The following KIAA1217 variants were observed in gnomAD, a reference collection of about 807,000 sequenced individuals.
KIAA1217 encodes the protein KIAA1217.
Under a neutral mutation model 163.9 loss-of-function variants are expected in KIAA1217, and 88 were observed. The ratio of observed to expected loss-of-function variants is 0.54; its 90% CI spans 0.45 to 0.64. The LOEUF is 0.64. Among genes scored for constraint, KIAA1217 ranks in the 30% least tolerant of loss-of-function variants. KIAA1217 has a pLI of 0.00. For missense variants in KIAA1217, 2,372 were observed against 2,475.0 expected (o/e 0.96, Z 0.88); for synonymous variants, 903 against 923.1 (o/e 0.98, Z 0.39).
intron 2 of KIAA1217, among the ~76,000 whole-genome samples, chr10:24,057,408 C>T (rs1292941092): frequency 6.6e-6 from 1 of 152,142 alleles, no homozygotes; most frequent in African/African-American, 2.4e-5. Flanking sequence ...ATGTTACACT[C>T]GTTACATAGT....
intron 1 of KIAA1217, among the ~76,000 whole-genome samples, chr10:23,742,669 C>A (rs1283235702): frequency 1.3e-5 from 2 of 152,204 alleles, no homozygotes; most frequent in Admixed American, 6.5e-5. Flanking sequence ...TGGCCCAAGC[C>A]ATTCATGAGG....
At chr10:23,977,563 T>C (rs1322951998) in intron 1 of KIAA1217, among the ~76,000 whole-genome samples, 1 of 152,130 alleles carries the variant, frequency 6.6e-6, no homozygotes, top group East Asian at 1.9e-4. Flanking sequence ...GACTAATGGA[T>C]ACTTCCTAGG....
upstream of KIAA1217, among the ~76,000 whole-genome samples, chr10:24,207,276 T>TCACA (rs1210017696): frequency 2.0e-5 from 2 of 101,782 alleles, no homozygotes; most frequent in African/African-American, 1.4e-4. Context: ...TTTCTCTCTC[T>TCACA]CTCTCTCACA....
chr10:24,209,018 G>A (rs529851110), upstream of KIAA1217: 131 of 597,374 alleles, frequency 2.2e-4, no homozygotes, highest in South Asian at 2.5e-3. Flanking sequence ...GCGCTGGAAT[G>A]CAGTTTTCTC....
intron 3 of KIAA1217, among the ~76,000 whole-genome samples, chr10:24,418,828 T>C (rs1164304546): frequency 6.6e-6 from 1 of 152,104 alleles, no homozygotes; most frequent in Non-Finnish European, 1.5e-5. Context: ...AGGCCAACTT[T>C]TTTTTTTTTC....
rs192435739 is a variant in KIAA1217 at position 24,404,690 on chromosome 10, T to C, written c.553+23623T>C. Among the ~76,000 whole-genome samples, 184 of 151,082 alleles carry C rather than the reference T, an allele frequency of 1.2e-3. 1 individual carries two copies. Among genetic ancestry groups the C allele is most frequent in the Non-Finnish European group, 1.7e-3 (114 of 67,862 alleles). ...TTTCACCCAGAAACTTGTACATGAA[T>C]ATTACTAGCAGCTTTGTTTGTAAGA... On this transcript the variant is annotated intron_variant, in intron 3 of 20. Coordinates refer to ENST00000376454, the MANE Select transcript of KIAA1217 (RefSeq NM_019590.5).
At chr10:23,759,016 G>A (rs1335359290) in intron 1 of KIAA1217, among the ~76,000 whole-genome samples, 2 of 152,058 alleles carry the variant, frequency 1.3e-5, no homozygotes, top group African/African-American at 4.8e-5. Context: ...GCTTTGGGTA[G>A]TATTGACGTC....
chr10:23,945,722 T>G (rs1422698871), intron 1 of KIAA1217, among the ~76,000 whole-genome samples: 2 of 152,186 alleles, frequency 1.3e-5, no homozygotes, highest in Non-Finnish European at 2.9e-5. Context: ...GTGGTGCATT[T>G]GCTGGAACCT....
Position 24,002,603 on chromosome 10 carries a change from G to A in KIAA1217, c.-320-4622G>A, listed in dbSNP as rs367846324. 9.2e-5 allele frequency among the ~76,000 whole-genome samples: 14 copies of A among 152,224 alleles called. 1 individual carries two copies. Among genetic ancestry groups the A allele is most frequent in the Admixed American group, 2.6e-4 (4 of 15,294 alleles). On this transcript the variant is annotated intron_variant, in intron 1 of 18. Transcript: ENST00000376462. ...GGCAATTAAATGTATTATTTAATAA[G>A]GACAAAATTAACCCAAACCCCTCTC...
chr10:24,350,952 TTTA>T (rs2048383396), intron 2 of KIAA1217, among the ~76,000 whole-genome samples: 1 of 152,194 alleles, frequency 6.6e-6, no homozygotes, highest in South Asian at 2.1e-4. Flanking sequence ...ATCTTTTTTT[TTTA>T]TTATTTTCTG....
chr10:24,073,703 G>A (rs2061269155), intron 2 of KIAA1217, among the ~76,000 whole-genome samples: 1 of 152,174 alleles, frequency 6.6e-6, no homozygotes, highest in Non-Finnish European at 1.5e-5. Flanking sequence ...AATGTGCTGT[G>A]TGGAGGCTTT....
At chr10:23,838,592 C>T (rs540159958) in intron 1 of KIAA1217, among the ~76,000 whole-genome samples, 4 of 152,206 alleles carry the variant, frequency 2.6e-5, no homozygotes, top group Admixed American at 1.3e-4. Context: ...TCCCAAGTAG[C>T]TGGAATTACA....
chr10:24,067,593 G>T (rs1393158404), intron 2 of KIAA1217, among the ~76,000 whole-genome samples: 1 of 152,050 alleles, frequency 6.6e-6, no homozygotes, highest in Non-Finnish European at 1.5e-5. Flanking sequence ...GGGGGTCAGG[G>T]ACCCACTTGA....
intron 2 of KIAA1217, among the ~76,000 whole-genome samples, chr10:24,351,414 C>A (rs1322852772): frequency 6.6e-6 from 1 of 152,130 alleles, no homozygotes; most frequent in Non-Finnish European, 1.5e-5. Context: ...TATGGCACAT[C>A]CAAGGTCAGT....
chr10:24,183,047 C>A (rs977797205), intron 2 of KIAA1217, among the ~76,000 whole-genome samples: 14 of 152,184 alleles, frequency 9.2e-5, no homozygotes, highest in Admixed American at 2.6e-4. Flanking sequence ...AATTCTTGTT[C>A]TGAAGGGACT....
intron 3 of KIAA1217, among the ~76,000 whole-genome samples, chr10:24,418,652 C>A (rs150525830): frequency 3.3e-5 from 5 of 152,234 alleles, no homozygotes; most frequent in African/African-American, 9.6e-5. Context: ...TCACTAAAGT[C>A]CATAATCTCT....
chr10:24,126,017 A>T (rs1167056836), intron 2 of KIAA1217, among the ~76,000 whole-genome samples: 1 of 152,176 alleles, frequency 6.6e-6, no homozygotes, highest in East Asian at 1.9e-4. Flanking sequence ...AATGTAGCTC[A>T]TTGTGGATCT....
At chr10:24,432,365 G>T (rs2059671131) in intron 3 of KIAA1217, among the ~76,000 whole-genome samples, 1 of 152,046 alleles carries the variant, frequency 6.6e-6, no homozygotes, top group South Asian at 2.1e-4. Context: ...TGATTCGCCT[G>T]CCTCAGCCTC....
intron 2 of KIAA1217, among the ~76,000 whole-genome samples, chr10:24,119,398 T>A (rs1001040153): frequency 3.3e-5 from 5 of 152,340 alleles, no homozygotes; most frequent in Admixed American, 3.3e-4. Context: ...CAATAACTCT[T>A]GTGAACCCCT....
Sources: allele counts gnomAD v4.1 joint callset (sites outside exome capture counted in the v4.1 genomes callset), GRCh38; gene constraint gnomAD v4.1.1; transcripts MANE v1.5; gene names NCBI Gene and HGNC (gene_info 2026-07-23, HGNC 2026-07-21).